IRF4: variants seen among roughly 807,000 people sequenced by gnomAD.
The protein encoded by IRF4 is interferon regulatory factor 4.
IRF4 carries 13 observed loss-of-function variants against 55.5 expected under a neutral mutation model. That is an observed-to-expected ratio of 0.23 (90% CI 0.15 to 0.37). IRF4 has a LOEUF of 0.37. Ranked by LOEUF, IRF4 falls within the 10% of genes least tolerant of loss-of-function variation. The probability of loss-of-function intolerance (pLI) is 1.00; values close to 1 mark genes in which losing one functional copy is unlikely to be tolerated. For missense variants in IRF4, 397 were observed against 593.8 expected, an observed-to-expected ratio of 0.67 and a Z score of 3.44; for synonymous variants, 249 against 240.7, an observed-to-expected ratio of 1.03 and a Z score of -0.32.
At chr6:394,671 C>G (rs1761207501) in intron 2 of IRF4, 150 bp from the exon 3 acceptor site, 2 of 731,998 alleles carry the variant, frequency 2.7e-6, no homozygotes, top group Admixed American at 2.4e-5. Context: ...TAGGAGGACC[C>G]TAGAACTCAG....
Position 397,266 on chromosome 6 carries a change from C to T in IRF4, c.637+14C>T, listed in dbSNP as rs778313003. 2 of 1,614,094 alleles carry T rather than the reference C, an allele frequency of 1.2e-6. No individual in the cohort carries two copies. The highest frequency in any genetic ancestry group is 8.5e-7 in the Non-Finnish European group (1 of 1,179,972). On this transcript the variant is annotated intron_variant, in intron 5 of 8. Coordinates refer to ENST00000380956, the MANE Select transcript of IRF4 (RefSeq NM_002460.4). Reference sequence around the variant, plus strand: ...CTTGTGAAAATGGTAAGGAGGATACCAGTGCAGGAAATAGAAGAGCTAATT... The same window carrying T: ...CTTGTGAAAATGGTAAGGAGGATACTAGTGCAGGAAATAGAAGAGCTAATT...
intron 4 of IRF4, 96 bp downstream of exon 4, chr6:396,031 G>T: frequency 1.0e-6 from 1 of 965,398 alleles, no homozygotes; most frequent in Non-Finnish European, 1.6e-6. Context: ...AGCAGAACTT[G>T]CCATTTGCTA....
Position 401,492 on chromosome 6 carries a change from G to C in IRF4, c.814G>C (p.Glu272Gln). 6.2e-7 allele frequency: 1 copy of C among 1,613,918 alleles called. No individual in the cohort carries two copies. Among genetic ancestry groups the C allele is most frequent in the Non-Finnish European group, 8.5e-7 (1 of 1,180,022 alleles). The change falls in exon 7 of 9, where the codon GAG (glutamate) becomes CAG (glutamine). Residue 272 changes from glutamate (E) to glutamine (Q), a missense_variant. This residue lies in a region of IRF4 where 341 missense variants were observed against 548.1 expected (regional missense o/e 0.62). Coordinates refer to ENST00000380956, the MANE Select transcript of IRF4 (RefSeq NM_002460.4). ...GAAGGAGCTGACCACGTCCAGCCCCGAGGGCTGCCGGATCTCCCATGGACA... is the reference window on the plus strand; with the variant it reads ...GAAGGAGCTGACCACGTCCAGCCCCCAGGGCTGCCGGATCTCCCATGGACA... The part of the protein sequence containing the change: ...LVKELTTSSP[E>Q]GCRISHGHTY...
At chr6:399,132 CT>C (rs1761339450) in intron 6 of IRF4, among the ~76,000 whole-genome samples, 197 bp downstream of exon 6, 1 of 152,192 alleles carries the variant, frequency 6.6e-6, no homozygotes, top group Non-Finnish European at 1.5e-5. Flanking sequence ...GACATCACTG[CT>C]TGTGGTTCTG....
intron 5 of IRF4, 109 bp downstream of exon 5, chr6:397,361 T>A (rs1761292432): frequency 1.5e-6 from 2 of 1,334,310 alleles, no homozygotes; most frequent in Admixed American, 4.2e-5. Context: ...TTCCCCTTCT[T>A]AGAGGCTGCG....
Position 409,014 on chromosome 6 carries a change from T to A in IRF4, c.*1416T>A, listed in dbSNP as rs1222212416. The A allele has an allele frequency of 4.5e-6, 1 of 222,852 alleles. No individual in the cohort carries two copies. Among genetic ancestry groups the A allele is most frequent in the Non-Finnish European group, 9.0e-6 (1 of 111,428 alleles). 13.8% of individuals were successfully genotyped at this position (222,852 alleles called of 1,614,324 possible). A position where few individuals can be genotyped will look rare whatever the true frequency, so the allele number is the denominator to read the frequency against. ...GTTTTGAGAAAGTACAGCAGTAGACTGGGGCGTCACCTCCAGGCCGTTTCT... is the reference window on the plus strand; with the variant it reads ...GTTTTGAGAAAGTACAGCAGTAGACAGGGGCGTCACCTCCAGGCCGTTTCT... On this transcript the variant is annotated 3_prime_UTR_variant, in exon 9 of 9. Transcript: ENST00000380956.
At chr6:397,277 A>G (rs375585336) in intron 5 of IRF4, 25 bp downstream of exon 5, 2 of 1,613,316 alleles carry the variant, frequency 1.2e-6, no homozygotes, top group African/African-American at 1.3e-5. Flanking sequence ...AGTGCAGGAA[A>G]TAGAAGAGCT....
chr6:395,332 TA>T (rs1486402284), intron 3 of IRF4, among the ~76,000 whole-genome samples: 1 of 152,184 alleles, frequency 6.6e-6, no homozygotes, highest in Non-Finnish European at 1.5e-5. Flanking sequence ...TTTACTTATC[TA>T]ATAGTCTTTA....
chr6:401,895 G>T, intron 7 of IRF4, 118 bp downstream of exon 7: 2 of 832,310 alleles, frequency 2.4e-6, no homozygotes. Flanking sequence ...TGACTTCGGC[G>T]CCCACTGGGC....
At chr6:395,149 C>T (rs1297278234) in intron 3 of IRF4, 142 bp downstream of exon 3, 1 of 650,230 alleles carries the variant, frequency 1.5e-6, no homozygotes, top group Non-Finnish European at 2.5e-6. Flanking sequence ...GAAGCCCAGC[C>T]TCCTTGCCTG....
At position 393,372 on chromosome 6, in the gene IRF4, T is replaced by A; in HGVS notation, c.216+4T>A. 1 of 1,467,062 alleles carries A rather than the reference T, an allele frequency of 6.8e-7. No individual in the cohort carries two copies. The highest frequency in any genetic ancestry group is 1.4e-5 in the African/African-American group (1 of 69,744). The allele number at this position is 1,467,062 out of a possible 1,614,324, so 90.9% of individuals were successfully genotyped here. ...GGAGGACGCCGCGCTCTTCAAGGTC[T>A]CCGGCCTCGGGAGCCGGCGGGGGCG... On this transcript the variant is annotated splice_donor_region_variant and intron_variant, in intron 2 of 8. Transcript: ENST00000380956. The surrounding 1 kb of genome is among the most constrained non-coding windows in gnomAD (Gnocchi z 5.4).
At chr6:403,890 C>T (rs567510865) in intron 7 of IRF4, among the ~76,000 whole-genome samples, 2 of 151,644 alleles carry the variant, frequency 1.3e-5, no homozygotes, top group African/African-American at 4.9e-5. Context: ...GGTGTAGTCT[C>T]AGATCACGGC....
chr6:401,282 C>T lies in IRF4; in HGVS notation c.746-142C>T, dbSNP rs116507364. Reference sequence around the variant, plus strand: ...AGGGCACGCTGTGTTTCCCAGGCCTCCTTGACGCGGGAACCTTTTGTTCCC... The same window carrying T: ...AGGGCACGCTGTGTTTCCCAGGCCTTCTTGACGCGGGAACCTTTTGTTCCC... On this transcript the variant is annotated intron_variant, in intron 6 of 8. Transcript: ENST00000380956. 1.8e-3 allele frequency: 1,157 copies of T among 638,058 alleles called. 15 individuals carry two copies. The African/African-American group carries it at 0.019, about 11-fold the overall frequency. The allele number at this position is 638,058 out of a possible 1,614,324, so 39.5% of individuals were successfully genotyped here. A position where few individuals can be genotyped will look rare whatever the true frequency, so the allele number is the denominator to read the frequency against.
At chr6:401,896 C>G (rs1434540942) in intron 7 of IRF4, 119 bp downstream of exon 7, 13 of 834,546 alleles carry the variant, frequency 1.6e-5, no homozygotes, top group East Asian at 2.7e-5. Flanking sequence ...GACTTCGGCG[C>G]CCACTGGGCT....
In IRF4 at chr6:391,760, C is replaced by G; in HGVS notation, c.-105C>G. The G allele has an allele frequency of 2.2e-6, 1 of 456,058 alleles. No individual in the cohort carries two copies. The allele number at this position is 456,058 out of a possible 1,614,324, so 28.3% of individuals were successfully genotyped here. Reference sequence around the variant, plus strand: ...TCCCACCTCGCACTCTCAGTTTCACCGCTCGATCTTGGGACCCACCGCTGC... The same window carrying G: ...TCCCACCTCGCACTCTCAGTTTCACGGCTCGATCTTGGGACCCACCGCTGC... On this transcript the variant is annotated 5_prime_UTR_variant, in exon 1 of 9. Transcript: ENST00000380956.
chr6:397,806 C>G (rs1193533804), intron 5 of IRF4, among the ~76,000 whole-genome samples: 1 of 152,166 alleles, frequency 6.6e-6, no homozygotes, highest in Non-Finnish European at 1.5e-5. Flanking sequence ...AAAATGAGCT[C>G]CCTCAGCAGA....
chr6:392,408 C>G (rs1761129267), intron 1 of IRF4, among the ~76,000 whole-genome samples: 2 of 152,264 alleles, frequency 1.3e-5, no homozygotes, highest in Admixed American at 1.3e-4. Flanking sequence ...CTCCCCGCCT[C>G]CGCTCTCCCG....
chr6:406,218 A>C (rs1250796442), intron 8 of IRF4, among the ~76,000 whole-genome samples: 2 of 152,246 alleles, frequency 1.3e-5, no homozygotes, highest in Non-Finnish European at 1.5e-5. Flanking sequence ...TAAATGACTA[A>C]ATAAACTTGG....
In IRF4 at chr6:402,711, G is replaced by T. The variant is rs1314812049; in HGVS notation, c.1099+934G>T. Among the ~76,000 whole-genome samples the T allele has an allele frequency of 3.9e-5, 6 of 152,188 alleles. No homozygotes were observed. The East Asian group carries it at 1.2e-3, about 29-fold the overall frequency. On this transcript the variant is annotated intron_variant, in intron 7 of 8. Transcript: ENST00000380956. ...GTAAGCTCATCCAGATTTTCTTTTG[G>T]TGCCCAAAGCAAATATGTCCCCAGA...
Sources: gnomAD v4.1 joint callset for allele counts (sites outside exome capture counted in the v4.1 genomes callset) on GRCh38, gnomAD v4.1.1 for gene constraint, gnomAD v4.1.1 regional missense constraint, Gnocchi (gnomAD v3.1) non-coding constraint, MANE v1.5 for transcripts, NCBI Gene and HGNC (gene_info 2026-07-23, HGNC 2026-07-21) for gene names.